The following METTL6 variants were observed in gnomAD, a reference collection of about 807,000 sequenced individuals.
METTL6 encodes tRNA N(3)-cytidine methyltransferase METTL6.
In METTL6, 22 loss-of-function variants were observed where a neutral mutation model predicts 26.4. The observed-to-expected ratio is 0.83, with a 90% CI of 0.59 to 1.19. The LOEUF (loss-of-function observed/expected upper bound fraction) is 1.19. METTL6 is among the 50% of genes most tolerant of loss of function. The pLI, the probability that METTL6 is intolerant of heterozygous loss-of-function variation, is 0.00. For synonymous variants in METTL6, 109 were observed against 116.2 expected (o/e 0.94, Z 0.40); for missense variants, 304 against 324.8 (o/e 0.94, Z 0.49).
chr3:15,417,633 T>C (rs1468929174), intron 3 of METTL6, among the ~76,000 whole-genome samples: 2 of 152,062 alleles, frequency 1.3e-5, no homozygotes, highest in African/African-American at 2.4e-5. Flanking sequence ...CTGTATATAC[T>C]GTATATATAA....
intron 3 of METTL6, among the ~76,000 whole-genome samples, chr3:15,418,470 G>A (rs967460396): frequency 1.3e-5 from 2 of 152,092 alleles, no homozygotes; most frequent in Admixed American, 6.6e-5. Context: ...TTGATGATAG[G>A]ATAATAGAAA....
intron 6 of METTL6, among the ~76,000 whole-genome samples, chr3:15,390,209 C>T (rs576353923): frequency 7.2e-5 from 11 of 152,118 alleles, no homozygotes; most frequent in South Asian, 6.2e-4. Flanking sequence ...GGGTGGATCA[C>T]TTGAGGCCAG....
intron 1 of METTL6, 49 bp downstream of exon 1, chr3:15,427,353 G>C (rs1050824052): frequency 4.4e-6 from 1 of 228,474 alleles, no homozygotes; most frequent in African/African-American, 2.4e-5. Flanking sequence ...AGGGCTCACC[G>C]TCATCAGTTC....
intron 3 of METTL6, among the ~76,000 whole-genome samples, chr3:15,419,646 G>A (rs1490860611): frequency 2.6e-5 from 4 of 152,088 alleles, no homozygotes; most frequent in Admixed American, 2.0e-4. Context: ...TTATAAATTA[G>A]TATGAGCTTT....
At chr3:15,413,341 G>A (rs1700052905) in intron 5 of METTL6, among the ~76,000 whole-genome samples, 1 of 152,214 alleles carries the variant, frequency 6.6e-6, no homozygotes, top group South Asian at 2.1e-4. Context: ...TTTGGAGGCT[G>A]AGACAGATGG....
At chr3:15,420,012 C>T (rs890138950) in intron 3 of METTL6, among the ~76,000 whole-genome samples, 1 of 151,942 alleles carries the variant, frequency 6.6e-6, no homozygotes, top group African/African-American at 2.4e-5. Flanking sequence ...CAGGCGCCCG[C>T]CACCATGCCC....
At chr3:15,415,588 A>G (rs1183881130) in intron 4 of METTL6, 184 bp downstream of exon 4, 1 of 1,606,524 alleles carries the variant, frequency 6.2e-7, no homozygotes, top group African/African-American at 1.3e-5. Flanking sequence ...ATGGCACTGC[A>G]CAAATCAGAA....
chr3:15,404,704 C>A (rs1223761682), intron 6 of METTL6, among the ~76,000 whole-genome samples: 1 of 151,940 alleles, frequency 6.6e-6, no homozygotes, highest in East Asian at 1.9e-4. Flanking sequence ...TGCTATGTTG[C>A]TCAGGCTGGA....
chr3:15,392,361 A>C lies in METTL6; in HGVS notation c.*12-8174T>G, dbSNP rs377098171. Among the ~76,000 whole-genome samples, 39 of 151,736 alleles carry C rather than the reference A, an allele frequency of 2.6e-4. No individual in the cohort carries two copies. The South Asian group carries it at 8.1e-3, about 32-fold the overall frequency. ...TGATGGGGTTGTTTTTTTTCTTGTAAATTTGTTTGAGTTCATTGTAGATTC... is the reference window on the plus strand; with the variant it reads ...TGATGGGGTTGTTTTTTTTCTTGTACATTTGTTTGAGTTCATTGTAGATTC... On this transcript the variant is annotated intron_variant, in intron 6 of 6. Coordinates refer to the METTL6 transcript ENST00000443029.
intron 5 of METTL6, 83 bp from the exon 6 acceptor site, chr3:15,411,520 G>A: frequency 7.5e-7 from 1 of 1,326,154 alleles, no homozygotes; most frequent in Non-Finnish European, 1.0e-6. Flanking sequence ...ATAGAGGGCT[G>A]AGGCTATTTT....
intron 6 of METTL6, among the ~76,000 whole-genome samples, chr3:15,401,318 C>T (rs1344680811): frequency 1.3e-5 from 2 of 151,868 alleles, no homozygotes; most frequent in Non-Finnish European, 1.5e-5. Context: ...GGATTACAGG[C>T]GTGAGCCACC....
downstream of METTL6, among the ~76,000 whole-genome samples, chr3:15,407,022 T>A (rs1699821865): frequency 6.6e-6 from 1 of 151,818 alleles, no homozygotes; most frequent in African/African-American, 2.4e-5. Flanking sequence ...ATTGTTTTTA[T>A]TGTTTATTTT....
intron 2 of METTL6, 94 bp from the exon 3 acceptor site, chr3:15,425,183 C>A (rs951119272): frequency 7.5e-6 from 10 of 1,331,460 alleles, no homozygotes; most frequent in African/African-American, 3.0e-5. Flanking sequence ...AGGTCTCCGA[C>A]CCCATGGAGC....
At chr3:15,422,814 T>C (rs2061637756) in intron 3 of METTL6, among the ~76,000 whole-genome samples, 1 of 152,186 alleles carries the variant, frequency 6.6e-6, no homozygotes. Context: ...ATCTTAACCC[T>C]GTGATCAAAA....
intron 4 of METTL6, chr3:15,414,556 T>C (rs1700111944): frequency 3.7e-6 from 1 of 269,968 alleles, no homozygotes; most frequent in South Asian, 3.7e-5. Flanking sequence ...GGTTTCACCA[T>C]GTTGGCCAGG....
chr3:15,412,406 T>C (rs1700006890), intron 5 of METTL6, among the ~76,000 whole-genome samples: 1 of 152,264 alleles, frequency 6.6e-6, no homozygotes, highest in Non-Finnish European at 1.5e-5. Context: ...CTTCTCAATA[T>C]TTACAATTGG....
In METTL6 at chr3:15,416,086, C is replaced by T. The variant is rs1700193743; in HGVS notation, c.361-144G>A. 3 of 688,910 alleles carry T rather than the reference C, an allele frequency of 4.4e-6. No individual in the cohort carries two copies. In the African/African-American group the frequency reaches 5.4e-5, roughly 12 times the overall value. 42.7% of individuals were successfully genotyped at this position (688,910 alleles called of 1,614,324 possible). Reference sequence around the variant, plus strand: ...TACCAGATAAAACTGATTAATAAATCACTCACTATAAAGCATGTAATATTC... The same window carrying T: ...TACCAGATAAAACTGATTAATAAATTACTCACTATAAAGCATGTAATATTC... On this transcript the variant is annotated intron_variant, in intron 3 of 5. Transcript: ENST00000383790.
At chr3:15,415,593 T>G in intron 4 of METTL6, 179 bp downstream of exon 4, 1 of 1,607,508 alleles carries the variant, frequency 6.2e-7, no homozygotes. Flanking sequence ...ACTGCACAAA[T>G]CAGAATTTAG....
At chr3:15,406,615 TATATATATATATATAG>T (rs1447159935), downstream of METTL6, among the ~76,000 whole-genome samples, 167 of 54,598 alleles carry the variant, frequency 3.1e-3, no homozygotes, top group East Asian at 0.011. Context: ...TATATATATA[TATATATATATATATAG>T]AGAGAGAGAG....
Sources: allele counts gnomAD v4.1 joint callset (sites outside exome capture counted in the v4.1 genomes callset), GRCh38; gene constraint gnomAD v4.1.1; transcripts MANE v1.5; gene names NCBI Gene and HGNC (gene_info 2026-07-23, HGNC 2026-07-21).